ELP4: variants seen among roughly 807,000 people sequenced by gnomAD.
ELP4 encodes elongator acetyltransferase complex subunit 4, also known as elongator complex protein 4.
In ELP4, 51 loss-of-function variants were observed where a neutral mutation model predicts 48.9. That is an observed-to-expected ratio of 1.04 (90% CI 0.83 to 1.32). The LOEUF (loss-of-function observed/expected upper bound fraction) is 1.32, where lower values mean the gene tolerates loss of function less well. ELP4 is among the 40% of genes most tolerant of loss of function. The pLI, the probability that ELP4 is intolerant of heterozygous loss-of-function variation, is 0.00. For missense variants in ELP4, 519 were observed against 514.6 expected, an observed-to-expected ratio of 1.01 and a Z score of -0.08; for synonymous variants, 210 against 189.2, an observed-to-expected ratio of 1.11 and a Z score of -0.90.
At chr11:31,590,676 T>G (rs1259836808) in intron 3 of ELP4, among the ~76,000 whole-genome samples, 2 of 152,188 alleles carry the variant, frequency 1.3e-5, no homozygotes, top group Admixed American at 6.5e-5. Context: ...GGCTTATGCT[T>G]CTGAGGATGC....
chr11:31,565,019 C>G (rs761183392), intron 3 of ELP4, among the ~76,000 whole-genome samples: 14 of 152,184 alleles, frequency 9.2e-5, no homozygotes, highest in African/African-American at 2.7e-4. Context: ...CCTATGTCTC[C>G]ACATCCTCTC....
chr11:31,548,107 A>G (rs1369648157), intron 3 of ELP4, among the ~76,000 whole-genome samples: 1 of 152,146 alleles, frequency 6.6e-6, no homozygotes, highest in East Asian at 1.9e-4. Flanking sequence ...CACCACTCCT[A>G]TTCAACATAG....
chr11:31,623,747 G>C (rs893787730), intron 5 of ELP4, among the ~76,000 whole-genome samples: 4 of 150,606 alleles, frequency 2.7e-5, no homozygotes, highest in African/African-American at 7.3e-5. Context: ...GTGCAAAAAT[G>C]GTAACAATCA....
At chr11:31,649,235 T>C (rs1268644365) in intron 8 of ELP4, 2 of 151,688 alleles carry the variant, frequency 1.3e-5, no homozygotes, top group Admixed American at 6.6e-5. Flanking sequence ...AGCAGTTCTG[T>C]AAGTAAGATT....
rs896452269 is a variant in ELP4 at position 31,746,486 on chromosome 11, C to T, written c.1144-36907C>T. Among the ~76,000 whole-genome samples the T allele has an allele frequency of 3.9e-5, 6 of 152,130 alleles. No individual in the cohort carries two copies. The East Asian group carries it at 5.8e-4, about 15-fold the overall frequency. ...CACAATAGCAAATACTTGGAACCAA[C>T]GTAAATGTCCAACAACAATAGACTG... On this transcript the variant is annotated intron_variant, in intron 9 of 9. Transcript: ENST00000640961.
intron 9 of ELP4, among the ~76,000 whole-genome samples, chr11:31,674,414 A>G (rs2134111940): frequency 6.6e-6 from 1 of 152,314 alleles, no homozygotes; most frequent in East Asian, 1.9e-4. Context: ...CTTAATAGAA[A>G]AACCTTGAAG....
At chr11:31,596,695 A>G (rs1482720272) in intron 4 of ELP4, among the ~76,000 whole-genome samples, 2 of 152,244 alleles carry the variant, frequency 1.3e-5, no homozygotes, top group African/African-American at 2.4e-5. Context: ...TATTTGAATA[A>G]TATTTTTAAG....
At chr11:31,706,914 C>T (rs532471372) in intron 9 of ELP4, 12 of 397,600 alleles carry the variant, frequency 3.0e-5, no homozygotes, top group African/African-American at 2.5e-4. Context: ...GTCAGGATTA[C>T]ATTCTTTTTT....
chr11:31,641,835 A>G (rs1945104621), intron 7 of ELP4, among the ~76,000 whole-genome samples: 1 of 151,888 alleles, frequency 6.6e-6, no homozygotes, highest in Admixed American at 6.6e-5. Context: ...AAACTTTAGT[A>G]TCTTTAACCT....
intron 9 of ELP4, among the ~76,000 whole-genome samples, chr11:31,759,342 G>C (rs1947897928): frequency 6.6e-6 from 1 of 152,126 alleles, no homozygotes; most frequent in South Asian, 2.1e-4. Context: ...AATTCTACAA[G>C]AATCCACTGC....
chr11:31,649,359 A>T (rs1196035305), intron 8 of ELP4: 3 of 151,600 alleles, frequency 2.0e-5, no homozygotes, highest in Non-Finnish European at 4.4e-5. Context: ...GTAGTGAAGA[A>T]CCTTCCATGT....
At chr11:31,516,708 T>A (rs1008338385) in intron 1 of ELP4, among the ~76,000 whole-genome samples, 8 of 152,280 alleles carry the variant, frequency 5.3e-5, no homozygotes, top group Middle Eastern at 6.8e-3. Flanking sequence ...TCCAGGCTTG[T>A]CTCAAACTCT....
chr11:31,788,633 G>A lies in ELP4; in HGVS notation c.*5109G>A, dbSNP rs760564578. 1.3e-4 allele frequency: 29 copies of A among 217,122 alleles called. No individual in the cohort carries two copies. The highest frequency in any genetic ancestry group is 2.3e-4 in the African/African-American group (10 of 44,424). The allele number at this position is 217,122 out of a possible 1,614,324, so 13.4% of individuals were successfully genotyped here. The stretch of plus-strand genomic sequence containing the variant: ...TTCAAAAAACAATTCCTAGCTAATC[G>A]CTTGTTGCATTTTTAAATTATTTCT... On this transcript the variant is annotated 3_prime_UTR_variant, in exon 10 of 10. Transcript: ENST00000640961.
intron 6 of ELP4, 128 bp from the exon 7 acceptor site, chr11:31,632,089 T>C (rs569679071): frequency 3.0e-6 from 2 of 658,206 alleles, no homozygotes; most frequent in Non-Finnish European, 5.0e-6. Flanking sequence ...TAATAGTACA[T>C]AAAAATTTTT....
chr11:31,597,952 C>CTTTT lies in ELP4; in HGVS notation c.513+3069_513+3072dup, dbSNP rs58093641. ...GTAACTAAAGCTTTAAGCCTTTTCT[C>CTTTT]TTTTTTTTTTTTTTTTTTTTTGAGA... On this transcript the variant is annotated intron_variant, in intron 4 of 9. Transcript: ENST00000640961. Among the ~76,000 whole-genome samples the CTTTT allele has an allele frequency of 9.6e-3, 921 of 96,252 alleles. 19 individuals are homozygous for CTTTT. The highest frequency in any genetic ancestry group is 0.014 in the East Asian group (43 of 3,058). The allele number at this position is 96,252 out of a possible 152,430, so 63.1% of individuals were successfully genotyped here. A position where few individuals can be genotyped will look rare whatever the true frequency, so the allele number is the denominator to read the frequency against.
At chr11:31,540,595 C>T (rs528794025) in intron 3 of ELP4, among the ~76,000 whole-genome samples, 9 of 152,292 alleles carry the variant, frequency 5.9e-5, no homozygotes, top group African/African-American at 2.2e-4. Flanking sequence ...TCTGGGATTA[C>T]AGGCATCAGC....
chr11:31,771,513 G>A (rs548225996), intron 9 of ELP4, among the ~76,000 whole-genome samples: 9 of 152,228 alleles, frequency 5.9e-5, no homozygotes, highest in African/African-American at 1.7e-4. Context: ...TGACCACTGC[G>A]TACCACGCCA....
At chr11:31,559,995 AT>A (rs199782722) in intron 3 of ELP4, among the ~76,000 whole-genome samples, 1 of 150,048 alleles carries the variant, frequency 6.7e-6, no homozygotes, top group Admixed American at 6.7e-5. Flanking sequence ...TTAAAAAAAA[AT>A]AAAATGATAT....
chr11:31,582,973 T>G (rs1356546903), intron 3 of ELP4, among the ~76,000 whole-genome samples: 8 of 152,148 alleles, frequency 5.3e-5, no homozygotes, highest in Admixed American at 5.2e-4. Flanking sequence ...TATCCTATCT[T>G]CAAAGTGATG....
Sources: allele counts gnomAD v4.1 joint callset (sites outside exome capture counted in the v4.1 genomes callset), GRCh38; gene constraint gnomAD v4.1.1; transcripts MANE v1.5; gene names NCBI Gene and HGNC (gene_info 2026-07-23, HGNC 2026-07-21).